Variants in CNTNAP2 observed in about 807,000 individuals in gnomAD.
The protein encoded by CNTNAP2 is contactin-associated protein-like 2.
A neutral mutation model predicts 155.2 loss-of-function variants in CNTNAP2; 98 were observed. The observed-to-expected ratio is 0.63, with a 90% confidence interval of 0.54 to 0.75. The LOEUF is 0.75. Ranked by LOEUF, CNTNAP2 falls within the 30% of genes least tolerant of loss-of-function variation. The pLI, the probability that CNTNAP2 is intolerant of heterozygous loss-of-function variation, is 0.00. For synonymous variants in CNTNAP2, 651 were observed against 631.2 expected, an observed-to-expected ratio of 1.03 and a Z score of -0.47; for missense variants, 1,727 against 1,688.1, an observed-to-expected ratio of 1.02 and a Z score of -0.40.
chr7:147,707,241 T>C (rs1253513956), intron 13 of CNTNAP2, among the ~76,000 whole-genome samples: 1 of 152,228 alleles, frequency 6.6e-6, no homozygotes, highest in African/African-American at 2.4e-5. Context: ...TGTAAACATT[T>C]CTTCTTCCGG....
intron 8 of CNTNAP2, among the ~76,000 whole-genome samples, chr7:147,196,287 T>C (rs570537943): frequency 2.7e-4 from 41 of 152,364 alleles, no homozygotes; most frequent in Non-Finnish European, 4.7e-4. Flanking sequence ...TTTTCATTGA[T>C]GGCTACCATT....
At chr7:147,519,820 G>A (rs544186754) in intron 11 of CNTNAP2, among the ~76,000 whole-genome samples, 8 of 152,276 alleles carry the variant, frequency 5.3e-5, no homozygotes, top group South Asian at 2.1e-4. Context: ...AGCCACAGTC[G>A]TACCACTGCA....
rs537892680 is a variant in CNTNAP2, at chr7:147,604,350, C to A, written c.1898-34756C>A. Among the ~76,000 whole-genome samples, 47 of 152,110 alleles carry A rather than the reference C, an allele frequency of 3.1e-4. 2 individuals carry two copies. The highest frequency in any genetic ancestry group is 1.6e-4 in the Non-Finnish European group (11 of 68,012). ...CTGACAAAGGGCTAATATCCAGAAT[C>A]TACAAAGAACTCAAACAAATTTACA... On this transcript the variant is annotated intron_variant, in intron 12 of 23. Coordinates refer to ENST00000361727, the MANE Select transcript of CNTNAP2 (RefSeq NM_014141.6).
intron 3 of CNTNAP2, among the ~76,000 whole-genome samples, chr7:146,939,032 A>C (rs986951332): frequency 2.6e-5 from 4 of 152,130 alleles, no homozygotes; most frequent in African/African-American, 9.6e-5. Context: ...TTTACAAGAA[A>C]ATATAATTTC....
At chr7:146,289,112 A>G (rs1036680323) in intron 1 of CNTNAP2, among the ~76,000 whole-genome samples, 2 of 152,128 alleles carry the variant, frequency 1.3e-5, no homozygotes, top group Non-Finnish European at 2.9e-5. Flanking sequence ...GCAGATGAAT[A>G]CATCTTATGC....
chr7:146,682,655 C>T (rs1486017228), intron 1 of CNTNAP2, among the ~76,000 whole-genome samples: 1 of 152,096 alleles, frequency 6.6e-6, no homozygotes, highest in Non-Finnish European at 1.5e-5. Flanking sequence ...TCTAATGTAA[C>T]TCTGTTGTGA....
intron 13 of CNTNAP2, among the ~76,000 whole-genome samples, chr7:147,680,511 G>A (rs1199615100): frequency 2.6e-5 from 4 of 151,916 alleles, no homozygotes; most frequent in East Asian, 3.9e-4. Context: ...TTGGGGCCCC[G>A]GCTGTTTCTG....
intron 13 of CNTNAP2, among the ~76,000 whole-genome samples, chr7:147,768,085 C>T (rs1251554579): frequency 6.6e-6 from 1 of 152,106 alleles, no homozygotes; most frequent in Non-Finnish European, 1.5e-5. Context: ...GTAGCAAAAA[C>T]TTCCTTTCAG....
At chr7:146,568,370 T>G (rs1798389451) in intron 1 of CNTNAP2, among the ~76,000 whole-genome samples, 1 of 152,220 alleles carries the variant, frequency 6.6e-6, no homozygotes. Flanking sequence ...CTTAATTTCC[T>G]GCAGAGAGGT....
intron 1 of CNTNAP2, among the ~76,000 whole-genome samples, chr7:146,241,386 A>G (rs1366396056): frequency 3.3e-5 from 5 of 152,226 alleles, no homozygotes; most frequent in Non-Finnish European, 7.4e-5. Context: ...TATATAGGCC[A>G]TCACATAAAA....
At chr7:146,721,099 T>TAC (rs1491169738) in intron 1 of CNTNAP2, among the ~76,000 whole-genome samples, 22 of 133,580 alleles carry the variant, frequency 1.6e-4, no homozygotes, top group African/African-American at 5.9e-4. Context: ...TCTATATATA[T>TAC]TCTCTATATA....
intron 8 of CNTNAP2, among the ~76,000 whole-genome samples, chr7:147,299,839 T>A (rs1432681955): frequency 1.3e-5 from 2 of 152,198 alleles, no homozygotes; most frequent in Non-Finnish European, 2.9e-5. Flanking sequence ...CCCAGCACTT[T>A]GGGAGGCCGA....
Position 146,116,872 on chromosome 7 carries a change from G to A in CNTNAP2, c.-5G>A, listed in dbSNP as rs1211928816. ...CTTGGAGCGCCGCCGGCCGGGAGGC[G>A]AAGGATGCAGGCGGCTCCGCGCGCC... On this transcript the variant is annotated 5_prime_UTR_variant, in exon 1 of 24. Transcript: ENST00000361727. This position sits in a 1 kb window ranked among gnomAD's most constrained non-coding sequence, Gnocchi z 5.5. The A allele has an allele frequency of 1.9e-6, 3 of 1,542,494 alleles. No homozygotes were observed. The highest frequency in any genetic ancestry group is 1.8e-4 in the Middle Eastern group (1 of 5,424).
At chr7:147,830,848 G>A (rs1435211337) in intron 13 of CNTNAP2, among the ~76,000 whole-genome samples, 3 of 152,218 alleles carry the variant, frequency 2.0e-5, no homozygotes, top group Non-Finnish European at 4.4e-5. Flanking sequence ...GCAGGTACTG[G>A]TTATGAGTAA....
Position 146,742,972 on chromosome 7 carries a change from G to T in CNTNAP2, c.98-31299G>T, listed in dbSNP as rs549649227. On this transcript the variant is annotated intron_variant, in intron 1 of 23. Coordinates refer to ENST00000361727, the MANE Select transcript of CNTNAP2 (RefSeq NM_014141.6). The stretch of plus-strand genomic sequence containing the variant: ...CCTTCATTTTTTTAAAAAAAGTATA[G>T]AACTCATTAGAAATTAGATTTTTTT... 6.5e-4 allele frequency among the ~76,000 whole-genome samples: 98 copies of T among 151,868 alleles called. 2 individuals carry two copies. The highest frequency in any genetic ancestry group is 7.5e-4 in the African/African-American group (31 of 41,442).
intron 10 of CNTNAP2, among the ~76,000 whole-genome samples, chr7:147,469,797 C>A (rs1309779552): frequency 2.0e-5 from 3 of 151,986 alleles, no homozygotes; most frequent in Non-Finnish European, 4.4e-5. Context: ...GGATTACAGG[C>A]GTGAGCCACT....
intron 14 of CNTNAP2, among the ~76,000 whole-genome samples, chr7:147,964,583 A>T (rs996391772): frequency 2.6e-5 from 4 of 152,204 alleles, no homozygotes; most frequent in Non-Finnish European, 2.9e-5. Flanking sequence ...TGAAAAAAAT[A>T]AAAAAGTGAA....
chr7:148,063,198 C>A (rs1803189166), intron 15 of CNTNAP2, among the ~76,000 whole-genome samples: 1 of 151,866 alleles, frequency 6.6e-6, no homozygotes, highest in African/African-American at 2.4e-5. Flanking sequence ...TGCATTATTT[C>A]CTGTGAGAAA....
At chr7:147,574,495 C>T (rs1278296259) in intron 12 of CNTNAP2, among the ~76,000 whole-genome samples, 1 of 152,072 alleles carries the variant, frequency 6.6e-6, no homozygotes, top group East Asian at 1.9e-4. Flanking sequence ...CAGTAGTGTC[C>T]TTGTTTGGAT....
Sources: gnomAD v4.1 joint callset for allele counts (sites outside exome capture counted in the v4.1 genomes callset) on GRCh38, gnomAD v4.1.1 for gene constraint, Gnocchi (gnomAD v3.1) non-coding constraint, MANE v1.5 for transcripts, NCBI Gene and HGNC (gene_info 2026-07-23, HGNC 2026-07-21) for gene names.